CSMD1: variants seen among roughly 807,000 people sequenced by gnomAD.
The protein encoded by CSMD1 is CUB and Sushi multiple domains 1, also known as CUB and sushi domain-containing protein 1.
A neutral mutation model predicts 417.5 loss-of-function variants in CSMD1; 213 were observed. That is an observed-to-expected ratio of 0.51 (90% CI 0.46 to 0.57). The LOEUF (loss-of-function observed/expected upper bound fraction) is 0.57, where lower values mean the gene tolerates loss of function less well. Among genes scored for constraint, CSMD1 ranks in the 20% least tolerant of loss-of-function variants. The pLI, the probability that CSMD1 is intolerant of heterozygous loss-of-function variation, is 0.00. For synonymous variants in CSMD1, 2,862 were observed against 1,736.8 expected (o/e 1.65, Z -16.11); for missense variants, 6,923 against 4,529.7 (o/e 1.53, Z -15.17).
At chr8:3,390,973 A>C (rs921396268) in intron 17 of CSMD1, among the ~76,000 whole-genome samples, 2 of 152,178 alleles carry the variant, frequency 1.3e-5, no homozygotes, top group Non-Finnish European at 2.9e-5. Flanking sequence ...CAAACTGGCC[A>C]TGTTACATTA....
intron 27 of CSMD1, among the ~76,000 whole-genome samples, chr8:3,227,715 A>G (rs1798597183): frequency 6.6e-6 from 1 of 152,186 alleles, no homozygotes; most frequent in Admixed American, 6.5e-5. Context: ...ACTGGTAAGT[A>G]AAAAGTGCAA....
rs142160239 is a variant in CSMD1, at chr8:4,300,493, C to T, written c.415+119460G>A. ...AACTACATAAATACAGTCTTCTTAACGTTATTAACTGAAGGAAATGTCCTT... is the reference window on the plus strand; with the variant it reads ...AACTACATAAATACAGTCTTCTTAATGTTATTAACTGAAGGAAATGTCCTT... On this transcript the variant is annotated intron_variant, in intron 3 of 69. Coordinates refer to ENST00000635120, the MANE Select transcript of CSMD1 (RefSeq NM_033225.6). Among the ~76,000 whole-genome samples the T allele has an allele frequency of 4.4e-3, 672 of 152,256 alleles. 2 individuals are homozygous for T. Among genetic ancestry groups the T allele is most frequent in the African/African-American group, 0.015 (636 of 41,542 alleles).
intron 5 of CSMD1, among the ~76,000 whole-genome samples, chr8:3,794,990 T>A (rs546467329): frequency 3.3e-5 from 5 of 151,446 alleles, no homozygotes; most frequent in African/African-American, 1.2e-4. Flanking sequence ...TATATCTATC[T>A]ATCATGTATA....
At chr8:4,944,548 G>C (rs1031324080) in intron 1 of CSMD1, among the ~76,000 whole-genome samples, 8 of 152,144 alleles carry the variant, frequency 5.3e-5, no homozygotes, top group Non-Finnish European at 7.3e-5. Flanking sequence ...ACTAAAAGGA[G>C]TCTACAGTCC....
In CSMD1 at chr8:3,468,689, T is replaced by C. The variant is rs748444815; in HGVS notation, c.1561+23A>G. On this transcript the variant is annotated intron_variant, in intron 12 of 69. Transcript: ENST00000635120. ...CTCTTGGAATGCTAACTTCCAACCC[T>C]GTGAAGTGTAATCTCATCATACCTT... 2.7e-6 allele frequency: 4 copies of C among 1,479,614 alleles called. No homozygotes were observed. The Admixed American group carries it at 7.3e-5, about 27-fold the overall frequency. 91.7% of individuals were successfully genotyped at this position (1,479,614 alleles called of 1,614,324 possible). A position where few individuals can be genotyped will look rare whatever the true frequency, so the allele number is the denominator to read the frequency against.
intron 1 of CSMD1, among the ~76,000 whole-genome samples, chr8:4,656,412 G>A (rs1804233202): frequency 6.6e-6 from 1 of 151,948 alleles, no homozygotes; most frequent in African/African-American, 2.4e-5. Flanking sequence ...ACACTTTGAA[G>A]GACTAATGTA....
chr8:3,656,541 G>C (rs559179828), intron 7 of CSMD1, among the ~76,000 whole-genome samples: 12 of 152,318 alleles, frequency 7.9e-5, no homozygotes, highest in African/African-American at 2.6e-4. Flanking sequence ...ATAATGGGTA[G>C]ATGCTCAAAT....
chr8:4,557,568 T>A (rs1188842648), intron 2 of CSMD1, among the ~76,000 whole-genome samples: 3 of 151,030 alleles, frequency 2.0e-5, no homozygotes, highest in Non-Finnish European at 4.4e-5. Context: ...AAAACAACAG[T>A]ATTAAGATAC....
At chr8:4,240,480 A>C (rs1802330688) in intron 3 of CSMD1, among the ~76,000 whole-genome samples, 1 of 152,220 alleles carries the variant, frequency 6.6e-6, no homozygotes, top group African/African-American at 2.4e-5. Context: ...ATCTAAAATA[A>C]GATGAAATGA....
intron 3 of CSMD1, among the ~76,000 whole-genome samples, chr8:4,190,153 G>A (rs1334330876): frequency 6.6e-6 from 1 of 151,254 alleles, no homozygotes; most frequent in Non-Finnish European, 1.5e-5. Context: ...CAGCTACTCA[G>A]GAGGCTGAGG....
chr8:4,826,681 A>C (rs1992205), intron 1 of CSMD1, among the ~76,000 whole-genome samples: 71,904 of 151,794 alleles, frequency 0.47, 17,640 homozygotes, highest in Non-Finnish European at 0.54. Flanking sequence ...CTTCCCACTC[A>C]TTCTAAGCTC....
chr8:3,149,033 A>G (rs909126053), intron 40 of CSMD1, among the ~76,000 whole-genome samples: 1 of 152,130 alleles, frequency 6.6e-6, no homozygotes, highest in Non-Finnish European at 1.5e-5. Context: ...GCAATATCCA[A>G]TTTTTTTAAG....
chr8:3,534,926 G>T (rs992852088), intron 10 of CSMD1, among the ~76,000 whole-genome samples: 1 of 152,138 alleles, frequency 6.6e-6, no homozygotes, highest in Non-Finnish European at 1.5e-5. Context: ...AAGATAGCCA[G>T]GGTTACTGTA....
intron 33 of CSMD1, among the ~76,000 whole-genome samples, chr8:3,197,624 C>G (rs1796774785): frequency 6.6e-6 from 1 of 151,952 alleles, no homozygotes; most frequent in Non-Finnish European, 1.5e-5. Flanking sequence ...CGCCACCACG[C>G]CCGGCTAATT....
At chr8:3,563,759 G>C (rs2076964330) in intron 10 of CSMD1, among the ~76,000 whole-genome samples, 1 of 151,958 alleles carries the variant, frequency 6.6e-6, no homozygotes, top group Admixed American at 6.6e-5. Context: ...TGTGGTGGTA[G>C]GCATCTGTAA....
At chr8:4,582,781 T>G (rs1425311174) in intron 2 of CSMD1, among the ~76,000 whole-genome samples, 1 of 152,190 alleles carries the variant, frequency 6.6e-6, no homozygotes, top group Non-Finnish European at 1.5e-5. Context: ...TTTTCTGAGT[T>G]GGCCAAGGCC....
chr8:3,472,084 G>T (rs34123713), intron 11 of CSMD1, among the ~76,000 whole-genome samples: 61,526 of 151,784 alleles, frequency 0.41, 12,647 homozygotes, highest in East Asian at 0.57. Context: ...CTCTCCCTTC[G>T]TGTAGCCCCT....
chr8:4,399,876 G>C (rs1804531073), intron 3 of CSMD1, among the ~76,000 whole-genome samples: 1 of 152,168 alleles, frequency 6.6e-6, no homozygotes, highest in Non-Finnish European at 1.5e-5. Context: ...GTGTACCAAA[G>C]TAGTAAATAT....
intron 26 of CSMD1, among the ~76,000 whole-genome samples, chr8:3,259,859 T>C (rs1800924579): frequency 3.5e-5 from 2 of 57,646 alleles, no homozygotes; most frequent in African/African-American, 9.9e-5. Flanking sequence ...TTAAAAAATA[T>C]CAAAATAAAA....
Sources: gnomAD v4.1 joint callset for allele counts (sites outside exome capture counted in the v4.1 genomes callset) on GRCh38, gnomAD v4.1.1 for gene constraint, MANE v1.5 for transcripts, NCBI Gene and HGNC (gene_info 2026-07-23, HGNC 2026-07-21) for gene names.